Variants in HHIP observed in about 807,000 individuals in gnomAD.
HHIP encodes the protein hedgehog interacting protein, also known as hedgehog-interacting protein.
Under a neutral mutation model 74.0 loss-of-function variants are expected in HHIP, and 12 were observed. That is an observed-to-expected ratio of 0.16 (90% CI 0.10 to 0.26). The LOEUF is 0.26. Ranked by LOEUF, HHIP falls within the 10% of genes least tolerant of loss-of-function variation. The pLI, the probability that HHIP is intolerant of heterozygous loss-of-function variation, is 1.00. For synonymous variants in HHIP, 309 were observed against 311.6 expected (o/e 0.99, Z 0.09); for missense variants, 788 against 845.0 (o/e 0.93, Z 0.84).
intron 4 of HHIP, among the ~76,000 whole-genome samples, chr4:144,678,394 T>C (rs1729230467): frequency 6.6e-6 from 1 of 152,170 alleles, no homozygotes; most frequent in African/African-American, 2.4e-5. Context: ...AGTATGACTT[T>C]TTTTATTATT....
In HHIP at chr4:144,738,354, G is replaced by A. The variant is rs1298473288; in HGVS notation, c.*397G>A. ...TAATAGAGTTTTGAAACAGTACTGTGCAATCCGATGGATCTAATTAAAAAA... is the reference window on the plus strand; with the variant it reads ...TAATAGAGTTTTGAAACAGTACTGTACAATCCGATGGATCTAATTAAAAAA... On this transcript the variant is annotated 3_prime_UTR_variant, in exon 13 of 13. Transcript: ENST00000296575. 6.1e-6 allele frequency: 6 copies of A among 979,190 alleles called. No homozygotes were observed. Among genetic ancestry groups the A allele is most frequent in the Non-Finnish European group, 7.3e-6 (6 of 824,102 alleles). The allele number at this position is 979,190 out of a possible 1,614,324, so 60.7% of individuals were successfully genotyped here.
intron 4 of HHIP, among the ~76,000 whole-genome samples, chr4:144,705,546 T>C (rs572900016): frequency 6.6e-6 from 1 of 152,346 alleles, no homozygotes; most frequent in African/African-American, 2.4e-5. Flanking sequence ...TTTACTAGTA[T>C]GTGAACTTTA....
rs143913257 is a variant in HHIP, at chr4:144,698,630, G to C, written c.832-7901G>C. On this transcript the variant is annotated intron_variant, in intron 4 of 12. Transcript: ENST00000296575. Reference sequence around the variant, plus strand: ...TTGAGCATCAGCATTCCGTTAATTGGACTAAGTTTAAAGGAAAACCAAATC... The same window carrying C: ...TTGAGCATCAGCATTCCGTTAATTGCACTAAGTTTAAAGGAAAACCAAATC... Among the ~76,000 whole-genome samples the C allele has an allele frequency of 2.6e-3, 396 of 152,218 alleles. 3 individuals carry two copies. Among genetic ancestry groups the C allele is most frequent in the African/African-American group, 9.1e-3 (380 of 41,546 alleles).
intron 3 of HHIP, 48 bp from the exon 4 acceptor site, chr4:144,659,589 T>A: frequency 1.6e-6 from 2 of 1,269,786 alleles, no homozygotes; most frequent in Non-Finnish European, 2.1e-6. Flanking sequence ...GCATCCCTTA[T>A]CTCCTTCATC....
chr4:144,648,903 A>G (rs535279341), intron 1 of HHIP: 5 of 152,304 alleles, frequency 3.3e-5, no homozygotes, highest in Admixed American at 1.3e-4. Flanking sequence ...TGTGCTTCCA[A>G]TCTCCAACAA....
rs1731244226 is a variant in HHIP, at chr4:144,740,737, G to C, written c.*2780G>C. 6.6e-6 allele frequency: 1 copy of C among 152,058 alleles called. No homozygotes were observed. The highest frequency in any genetic ancestry group is 1.5e-5 in the Non-Finnish European group (1 of 68,006). The allele number at this position is 152,058 out of a possible 1,614,324, so 9.4% of individuals were successfully genotyped here. A position where few individuals can be genotyped will look rare whatever the true frequency, so the allele number is the denominator to read the frequency against. ...TTTAATCACATGAAAGGCAACATCT[G>C]TTCAGTTCATAAAGCACACAGTCTC... On this transcript the variant is annotated 3_prime_UTR_variant, in exon 13 of 13. Coordinates refer to ENST00000296575, the MANE Select transcript of HHIP (RefSeq NM_022475.3).
chr4:144,735,230 G>A (rs538154108), intron 12 of HHIP, among the ~76,000 whole-genome samples: 12 of 152,230 alleles, frequency 7.9e-5, no homozygotes, highest in African/African-American at 2.9e-4. Flanking sequence ...ATGACTTAGT[G>A]TTTGCAAAGC....
rs138547654 is a variant in HHIP, at chr4:144,693,863, G to A, written c.832-12668G>A. On this transcript the variant is annotated intron_variant, in intron 4 of 12. Transcript: ENST00000296575. ...AATATATATTATTAGTTTTTATTCAGAATTAATACAAAGATATAAGATATC... is the reference window on the plus strand; with the variant it reads ...AATATATATTATTAGTTTTTATTCAAAATTAATACAAAGATATAAGATATC... Among the ~76,000 whole-genome samples, 624 of 151,696 alleles carry A rather than the reference G, an allele frequency of 4.1e-3. 6 individuals are homozygous for A. Among genetic ancestry groups the A allele is most frequent in the African/African-American group, 0.013 (541 of 41,456 alleles).
intron 4 of HHIP, among the ~76,000 whole-genome samples, chr4:144,669,946 C>A (rs1387078853): frequency 6.7e-6 from 1 of 149,462 alleles, no homozygotes; most frequent in Non-Finnish European, 1.5e-5. Flanking sequence ...TCCAGACTAT[C>A]CTGACAAACA....
Position 144,708,206 on chromosome 4 carries a change from C to T in HHIP, c.1196C>T (p.Thr399Ile). ...TCAGTGCTACGGCTGGATGTGGACA[C>T]AGACATGTGCAACGTGCCTTATTCC... ...TGSVLRLDVDTDMCNVPYSIP... is the reference protein window; with the variant it reads ...TGSVLRLDVDIDMCNVPYSIP... Residue 399 changes from threonine (T) to isoleucine (I), a missense_variant, in exon 7 of 13, where the codon ACA becomes ATA. Thr to Ile is a moderately conservative substitution (Grantham distance 89, BLOSUM62 -1). Transcript: ENST00000296575. The T allele has an allele frequency of 6.2e-7, 1 of 1,614,120 alleles. No homozygotes were observed. The highest frequency in any genetic ancestry group is 8.5e-7 in the Non-Finnish European group (1 of 1,179,976).
intron 4 of HHIP, among the ~76,000 whole-genome samples, chr4:144,673,441 C>T (rs1005710534): frequency 3.3e-5 from 5 of 152,146 alleles, no homozygotes. Flanking sequence ...GAAGAGGGCT[C>T]ACTCTACGCC....
At chr4:144,714,388 G>T (rs767686484) in intron 9 of HHIP, 40 bp downstream of exon 9, 9 of 1,600,908 alleles carry the variant, frequency 5.6e-6, no homozygotes, top group Non-Finnish European at 7.7e-6. Context: ...TATACCAAAT[G>T]ACATATCCAT....
intron 1 of HHIP, among the ~76,000 whole-genome samples, chr4:144,652,266 T>C (rs1303663401): frequency 6.6e-6 from 1 of 152,120 alleles, no homozygotes; most frequent in Non-Finnish European, 1.5e-5. Context: ...TTAAATATCA[T>C]TCAGTATATA....
intron 8 of HHIP, 64 bp from the exon 9 acceptor site, chr4:144,714,161 G>A: frequency 1.4e-6 from 2 of 1,389,480 alleles, no homozygotes; most frequent in Non-Finnish European, 1.0e-6. Context: ...TTGTTGTTTG[G>A]TGTACATTCC....
At chr4:144,658,713 CATCTT>C in intron 2 of HHIP, 72 bp from the exon 3 acceptor site, 1 of 1,233,342 alleles carries the variant, frequency 8.1e-7, no homozygotes. Flanking sequence ...TTCTTTTCCT[CATCTT>C]ATATCTTTCA....
intron 4 of HHIP, among the ~76,000 whole-genome samples, chr4:144,703,125 A>G (rs1730034784): frequency 6.6e-6 from 1 of 151,958 alleles, no homozygotes; most frequent in Non-Finnish European, 1.5e-5. Context: ...GAGGCAGGAG[A>G]ATCACTTGAA....
At chr4:144,674,940 G>GA (rs1424247903) in intron 4 of HHIP, among the ~76,000 whole-genome samples, 1 of 152,160 alleles carries the variant, frequency 6.6e-6, no homozygotes, top group Non-Finnish European at 1.5e-5. Flanking sequence ...GTAGGGGGAT[G>GA]ACCTTTAACT....
intron 11 of HHIP, among the ~76,000 whole-genome samples, chr4:144,725,626 C>T: frequency 6.6e-6 from 1 of 151,618 alleles, no homozygotes; most frequent in East Asian, 1.9e-4. Flanking sequence ...GTTGTAATAC[C>T]AGTGTTATTT....
chr4:144,742,974 TA>T lies in HHIP; in HGVS notation c.*5018del, dbSNP rs1560729119. ...ATCTTATACATATAAGATATATGTA[TA>T]TATATATACATTATATATATATAAT... On this transcript the variant is annotated 3_prime_UTR_variant, in exon 13 of 13. Coordinates refer to ENST00000296575, the MANE Select transcript of HHIP (RefSeq NM_022475.3). 1 of 132,484 alleles carries T rather than the reference TA, an allele frequency of 7.5e-6. No individual in the cohort carries two copies. Among genetic ancestry groups the T allele is most frequent in the African/African-American group, 2.9e-5 (1 of 34,698 alleles). The allele number at this position is 132,484 out of a possible 1,614,324, so 8.2% of individuals were successfully genotyped here. A position where few individuals can be genotyped will look rare whatever the true frequency, so the allele number is the denominator to read the frequency against.
Sources: gnomAD v4.1 joint callset for allele counts (sites outside exome capture counted in the v4.1 genomes callset) on GRCh38, gnomAD v4.1.1 for gene constraint, MANE v1.5 for transcripts, NCBI Gene and HGNC (gene_info 2026-07-23, HGNC 2026-07-21) for gene names.